The following CTNNA3 variants were observed in gnomAD, a reference collection of about 807,000 sequenced individuals.
CTNNA3 encodes the protein catenin alpha 3.
In CTNNA3, 76 loss-of-function variants were observed where a neutral mutation model predicts 95.7. The ratio of observed to expected loss-of-function variants is 0.79; its 90% CI spans 0.66 to 0.96. The LOEUF (loss-of-function observed/expected upper bound fraction) is 0.96. CTNNA3 is among the 40% of genes least tolerant of loss of function. The pLI, the probability that CTNNA3 is intolerant of heterozygous loss-of-function variation, is 0.00. For missense variants in CTNNA3, 1,191 were observed against 1,089.8 expected, an observed-to-expected ratio of 1.09 and a Z score of -1.31; for synonymous variants, 431 against 374.4, an observed-to-expected ratio of 1.15 and a Z score of -1.74.
At chr10:66,295,738 C>G (rs1447549155) in intron 12 of CTNNA3, among the ~76,000 whole-genome samples, 3 of 152,158 alleles carry the variant, frequency 2.0e-5, no homozygotes, top group Admixed American at 2.0e-4. Flanking sequence ...GTAAAGATAG[C>G]AGGTCACATA....
chr10:67,244,932 G>T (rs1865853959), intron 5 of CTNNA3, among the ~76,000 whole-genome samples: 1 of 152,138 alleles, frequency 6.6e-6, no homozygotes, highest in Admixed American at 6.6e-5. Context: ...ACACTTTGTT[G>T]TCATCTTTAA....
Position 66,881,271 on chromosome 10 carries a change from T to A in CTNNA3, c.1048-105747A>T, listed in dbSNP as rs541708743. 2.0e-5 allele frequency among the ~76,000 whole-genome samples: 3 copies of A among 152,194 alleles called. No individual in the cohort carries two copies. The South Asian group carries it at 6.2e-4, about 32-fold the overall frequency. On this transcript the variant is annotated intron_variant, in intron 7 of 17. Transcript: ENST00000433211. ...CACACACAAAGCCAAATAATCTGAG[T>A]TAAATGGTCTTCCAACATAGAAAAT...
intron 7 of CTNNA3, among the ~76,000 whole-genome samples, chr10:66,902,942 C>T (rs928849823): frequency 4.6e-5 from 7 of 151,958 alleles, no homozygotes; most frequent in Non-Finnish European, 1.0e-4. Flanking sequence ...GAATTCTACC[C>T]GAAGTACAAA....
chr10:66,607,002 G>T (rs1460100736), intron 10 of CTNNA3, among the ~76,000 whole-genome samples: 1 of 151,850 alleles, frequency 6.6e-6, no homozygotes, highest in Non-Finnish European at 1.5e-5. Flanking sequence ...TTGGTTTTTT[G>T]AAAAAATTAA....
chr10:66,510,808 G>T (rs1589355932), intron 11 of CTNNA3, among the ~76,000 whole-genome samples: 1 of 151,674 alleles, frequency 6.6e-6, no homozygotes, highest in East Asian at 1.9e-4. Context: ...TTGGTTGAGG[G>T]TGTTTAAATC....
intron 5 of CTNNA3, among the ~76,000 whole-genome samples, chr10:67,241,116 A>G (rs1248382031): frequency 6.6e-6 from 1 of 152,170 alleles, no homozygotes; most frequent in African/African-American, 2.4e-5. Context: ...TCTATCAAGA[A>G]GAGTCAAATA....
upstream of CTNNA3, among the ~76,000 whole-genome samples, chr10:67,698,476 T>C (rs1423647068): frequency 1.3e-5 from 2 of 152,194 alleles, no homozygotes; most frequent in Non-Finnish European, 2.9e-5. Flanking sequence ...TCCCTGTCAG[T>C]AGCCTCTCTT....
intron 10 of CTNNA3, among the ~76,000 whole-genome samples, chr10:66,579,620 A>G (rs900788109): frequency 6.6e-6 from 1 of 151,770 alleles, no homozygotes; most frequent in Non-Finnish European, 1.5e-5. Context: ...AAGTTTTTGC[A>G]TTGTTGATAC....
chr10:66,691,621 A>T (rs11816216), intron 9 of CTNNA3, among the ~76,000 whole-genome samples: 56,036 of 152,032 alleles, frequency 0.37, 10,761 homozygotes, highest in Non-Finnish European at 0.41. Flanking sequence ...TTATCCCAGC[A>T]CGCAGCTGGA....
chr10:66,237,925 T>C (rs1469527381), intron 13 of CTNNA3, among the ~76,000 whole-genome samples: 1 of 152,062 alleles, frequency 6.6e-6, no homozygotes, highest in East Asian at 1.9e-4. Flanking sequence ...TCTAAGAAAA[T>C]AAATTTATTC....
intron 11 of CTNNA3, among the ~76,000 whole-genome samples, chr10:66,510,740 T>C (rs1283128875): frequency 6.6e-6 from 1 of 151,880 alleles, no homozygotes; most frequent in African/African-American, 2.4e-5. Context: ...TGGAATAAAT[T>C]CTACTTGATT....
chr10:66,888,724 G>A (rs1224634709), intron 7 of CTNNA3, among the ~76,000 whole-genome samples: 1 of 152,116 alleles, frequency 6.6e-6, no homozygotes, highest in African/African-American at 2.4e-5. Context: ...AACACCAAAT[G>A]CTGGCAAGGA....
At chr10:66,372,252 A>T (rs1026254474) in intron 12 of CTNNA3, among the ~76,000 whole-genome samples, 1 of 152,162 alleles carries the variant, frequency 6.6e-6, no homozygotes, top group African/African-American at 2.4e-5. Flanking sequence ...TTATTTTTCT[A>T]TTGCCTTCAG....
chr10:67,612,815 C>G (rs1231347654), intron 2 of CTNNA3, among the ~76,000 whole-genome samples: 2 of 152,138 alleles, frequency 1.3e-5, no homozygotes, highest in Admixed American at 1.3e-4. Context: ...TCCTTGTCAT[C>G]CAAGACACAG....
At chr10:67,388,047 A>G (rs1229088876) in intron 5 of CTNNA3, among the ~76,000 whole-genome samples, 2 of 151,624 alleles carry the variant, frequency 1.3e-5, no homozygotes, top group Non-Finnish European at 2.9e-5. Flanking sequence ...GCAACGGAAC[A>G]AAGCTGGATG....
intron 15 of CTNNA3, among the ~76,000 whole-genome samples, chr10:66,050,895 C>T (rs1002633027): frequency 6.6e-6 from 1 of 151,994 alleles, no homozygotes; most frequent in Non-Finnish European, 1.5e-5. Flanking sequence ...GTTCTTTCGC[C>T]CAGATGGGAG....
chr10:66,688,800 C>A (rs1377893409), intron 9 of CTNNA3, among the ~76,000 whole-genome samples: 1 of 148,800 alleles, frequency 6.7e-6, no homozygotes, highest in Non-Finnish European at 1.5e-5. Context: ...TGAAACCCGT[C>A]TCTACTAAAA....
At chr10:66,526,480 C>T (rs529262818) in intron 10 of CTNNA3, among the ~76,000 whole-genome samples, 17 of 152,286 alleles carry the variant, frequency 1.1e-4, no homozygotes, top group East Asian at 5.8e-4. Context: ...AGCCACTGTG[C>T]GAAGACTGAC....
intron 5 of CTNNA3, among the ~76,000 whole-genome samples, chr10:67,413,817 T>C (rs1478623530): frequency 1.3e-5 from 2 of 152,106 alleles, no homozygotes; most frequent in Non-Finnish European, 2.9e-5. Context: ...AGTAAGCAAC[T>C]TATTCCTGAA....
Sources: allele counts gnomAD v4.1 joint callset (sites outside exome capture counted in the v4.1 genomes callset), GRCh38; gene constraint gnomAD v4.1.1; transcripts MANE v1.5; gene names NCBI Gene and HGNC (gene_info 2026-07-23, HGNC 2026-07-21).